The following XPO1 variants were observed in gnomAD, a reference collection of about 807,000 sequenced individuals.
The protein encoded by XPO1 is exportin 1, also known as exportin-1.
Under a neutral mutation model 133.3 loss-of-function variants are expected in XPO1, and 5 were observed. The observed-to-expected ratio is 0.04, with a 90% CI of 0.02 to 0.08. XPO1 has a LOEUF of 0.08. XPO1 is among the 10% of genes least tolerant of loss of function. The pLI, the probability that XPO1 is intolerant of heterozygous loss-of-function variation, is 1.00. For missense variants in XPO1, 506 were observed against 1,267.5 expected (o/e 0.40, Z 9.12); for synonymous variants, 419 against 408.2 (o/e 1.03, Z -0.32).
At chr2:61,494,835 G>C (rs1237749538) in intron 11 of XPO1, 1 of 150,152 alleles carries the variant, frequency 6.7e-6, no homozygotes, top group Non-Finnish European at 1.5e-5. Context: ...TATATAAAGA[G>C]AGAGAGAGAG....
chr2:61,490,668 C>T lies in XPO1; in HGVS notation c.1996G>A (p.Asp666Asn). 1 of 1,614,132 alleles carries T rather than the reference C, an allele frequency of 6.2e-7. No individual in the cohort carries two copies. The highest frequency in any genetic ancestry group is 8.5e-7 in the Non-Finnish European group (1 of 1,180,022). The change falls in exon 17 of 25, where the codon GAT (aspartate) becomes AAT (asparagine). Residue 666 changes from aspartate to asparagine, a missense_variant. By Grantham distance (23) the Asp-to-Asn change is conservative (BLOSUM62 1). Around this residue, in one of 6 missense-constraint regions of XPO1, gnomAD observed 60 missense variants for 211.0 expected, o/e 0.28. Transcript: ENST00000401558. ...KYMLLPNQVW[D>N]SIIQQATKNV... The stretch of plus-strand genomic sequence containing the variant: ...TTGGTTGCCTGCTGGATTATACTAT[C>T]CCACACTTGATTAGGGAGTAACATG...
chr2:61,519,748 T>C lies in XPO1; in HGVS notation c.301+2863A>G, dbSNP rs1464241953. 2.7e-5 allele frequency among the ~76,000 whole-genome samples: 4 copies of C among 148,546 alleles called. No homozygotes were observed. The East Asian group carries it at 5.9e-4, about 22-fold the overall frequency. ...ACACCACGTAAAAATTAACATGCTG[T>C]GGACAAGAACCTAAAAGCAGATAAA... On this transcript the variant is annotated intron_variant, in intron 4 of 24. Transcript: ENST00000401558.
chr2:61,526,734 T>A (rs1395377819), intron 2 of XPO1, among the ~76,000 whole-genome samples: 1 of 147,318 alleles, frequency 6.8e-6, no homozygotes, highest in South Asian at 2.1e-4. Context: ...TGAGACAGAG[T>A]CTTGGCTCTA....
At chr2:61,522,123 G>A (rs1698725753) in intron 4 of XPO1, among the ~76,000 whole-genome samples, 1 of 149,722 alleles carries the variant, frequency 6.7e-6, no homozygotes, top group Non-Finnish European at 1.5e-5. Context: ...AGGCTGAAGT[G>A]CAGTGGCAGG....
rs34242015 is a variant in XPO1 at position 61,506,541 on chromosome 2, C to G, written c.302-4231G>C. Reference sequence around the variant, plus strand: ...TTGAACCCAGGAGCCAGAGGTTGCTCTGAGCCAAGATCGTGCCACTGCACT... The same window carrying G: ...TTGAACCCAGGAGCCAGAGGTTGCTGTGAGCCAAGATCGTGCCACTGCACT... On this transcript the variant is annotated intron_variant, in intron 4 of 24. Coordinates refer to ENST00000401558, the MANE Select transcript of XPO1 (RefSeq NM_003400.4). 3.8e-5 allele frequency among the ~76,000 whole-genome samples: 5 copies of G among 133,040 alleles called. No homozygotes were observed. The South Asian group carries it at 9.2e-4, about 24-fold the overall frequency. 87.3% of individuals were successfully genotyped at this position (133,040 alleles called of 152,430 possible). A position where few individuals can be genotyped will look rare whatever the true frequency, so the allele number is the denominator to read the frequency against.
At chr2:61,507,524 T>C (rs1697887266) in intron 4 of XPO1, among the ~76,000 whole-genome samples, 1 of 151,934 alleles carries the variant, frequency 6.6e-6, no homozygotes, top group Non-Finnish European at 1.5e-5. Context: ...CGAGCTATGA[T>C]TGTGTCACTG....
At chr2:61,519,698 C>CAAAAAAA (rs753424450) in intron 4 of XPO1, among the ~76,000 whole-genome samples, 27 of 72,758 alleles carry the variant, frequency 3.7e-4, no homozygotes, top group African/African-American at 8.1e-4. Context: ...GACTCCGTCT[C>CAAAAAAA]AAAAAAAAAA....
rs1697362542 is a variant in XPO1 at position 61,498,772 on chromosome 2, T to C, written c.660A>G (p.Pro220=). 1 of 1,613,866 alleles carries C rather than the reference T, an allele frequency of 6.2e-7. No individual in the cohort carries two copies. Among genetic ancestry groups the C allele is most frequent in the South Asian group, 1.1e-5 (1 of 91,028 alleles). Residue 220 remains proline (P), a synonymous_variant, in exon 9 of 25, where the codon CCA becomes CCG. Transcript: ENST00000401558. ...ATGTTTCCAAGGTTGCATGTACAAGTGGAGCATTTTGAGAATTTTCCTATA... is the reference window on the plus strand; with the variant it reads ...ATGTTTCCAAGGTTGCATGTACAAGCGGAGCATTTTGAGAATTTTCCTATA... ...QFVMENSQNA[P]LVHATLETLL...
At chr2:61,486,890 C>G (rs1190331578) in intron 19 of XPO1, among the ~76,000 whole-genome samples, 1 of 152,036 alleles carries the variant, frequency 6.6e-6, no homozygotes, top group Non-Finnish European at 1.5e-5. Flanking sequence ...CCTTACCCTC[C>G]CTGGTGGTTG....
intron 19 of XPO1, among the ~76,000 whole-genome samples, chr2:61,486,496 G>A (rs1324973016): frequency 2.6e-5 from 4 of 152,040 alleles, no homozygotes; most frequent in South Asian, 4.2e-4. Context: ...TTGCTCTGTC[G>A]CCCAGGCTGG....
Position 61,485,786 on chromosome 2 carries a change from T to C in XPO1, c.2490A>G (p.Thr830=). 6.2e-7 allele frequency: 1 copy of C among 1,612,890 alleles called. No individual in the cohort carries two copies. Among genetic ancestry groups the C allele is most frequent in the Non-Finnish European group, 8.5e-7 (1 of 1,179,390 alleles). The change falls in exon 20 of 25, where the codon ACA becomes ACG. Residue 830 remains threonine, a synonymous_variant. Coordinates refer to ENST00000401558, the MANE Select transcript of XPO1 (RefSeq NM_003400.4). The part of the protein sequence containing the change: ...PQIFDAVFEC[T]LNMINKDFEE... ...TACACACCTTATTTATCATATTCAATGTGCATTCAAAAACAGCATCAAATA... is the reference window on the plus strand; with the variant it reads ...TACACACCTTATTTATCATATTCAACGTGCATTCAAAAACAGCATCAAATA...
intron 3 of XPO1, among the ~76,000 whole-genome samples, chr2:61,522,917 G>A (rs1412988198): frequency 6.6e-6 from 1 of 152,010 alleles, no homozygotes; most frequent in African/African-American, 2.4e-5. Context: ...GTTTATACAT[G>A]CTCACACCAG....
At chr2:61,523,612 G>A (rs1698789557) in intron 3 of XPO1, among the ~76,000 whole-genome samples, 1 of 152,186 alleles carries the variant, frequency 6.6e-6, no homozygotes, top group Non-Finnish European at 1.5e-5. Flanking sequence ...TGAAAGGTAA[G>A]CTCATTCATA....
At chr2:61,488,299 A>G (rs1390691475) in intron 18 of XPO1, 28 bp from the exon 19 acceptor site, 20 of 1,594,216 alleles carry the variant, frequency 1.3e-5, no homozygotes, top group Middle Eastern at 1.7e-4. Flanking sequence ...ATGGAATCTA[A>G]TTTTACCACT....
chr2:61,518,417 AACAC>A (rs200566050), intron 4 of XPO1, among the ~76,000 whole-genome samples: 1,908 of 124,416 alleles, frequency 0.015, 36 homozygotes, highest in African/African-American at 0.047. Flanking sequence ...CAAAAAACAA[AACAC>A]ACACACACAC....
chr2:61,514,198 A>C (rs1222748946), intron 4 of XPO1, among the ~76,000 whole-genome samples: 1 of 152,036 alleles, frequency 6.6e-6, no homozygotes, highest in Non-Finnish European at 1.5e-5. Context: ...AAAAAAAAAA[A>C]AACTGAGCAA....
chr2:61,508,132 G>A (rs775037737), intron 4 of XPO1, among the ~76,000 whole-genome samples: 12 of 151,844 alleles, frequency 7.9e-5, no homozygotes, highest in Admixed American at 2.6e-4. Flanking sequence ...GGGAGGCCAA[G>A]GCACGTGGAT....
At chr2:61,512,509 G>C (rs557909978) in intron 4 of XPO1, among the ~76,000 whole-genome samples, 7 of 152,228 alleles carry the variant, frequency 4.6e-5, no homozygotes, top group Non-Finnish European at 1.0e-4. Flanking sequence ...GTTTGAACTG[G>C]GCTTTGACTA....
At chr2:61,532,312 A>T (rs956802117) in intron 2 of XPO1, among the ~76,000 whole-genome samples, 4 of 151,790 alleles carry the variant, frequency 2.6e-5, no homozygotes, top group African/African-American at 4.8e-5. Flanking sequence ...TGTTTTTAGT[A>T]GAGACGGGGT....
Sources: allele counts gnomAD v4.1 joint callset (sites outside exome capture counted in the v4.1 genomes callset), GRCh38; gene constraint gnomAD v4.1.1; regional missense constraint gnomAD v4.1.1; transcripts MANE v1.5; gene names NCBI Gene and HGNC (gene_info 2026-07-23, HGNC 2026-07-21).